Variants in FSTL4 observed in about 807,000 individuals in gnomAD.
FSTL4 encodes follistatin like 4.
In FSTL4, 28 loss-of-function variants were observed where a neutral mutation model predicts 78.2. That is an observed-to-expected ratio of 0.36 (90% CI 0.27 to 0.49). The LOEUF (loss-of-function observed/expected upper bound fraction) is 0.49, where lower values mean the gene tolerates loss of function less well. FSTL4 is among the 20% of genes least tolerant of loss of function. The pLI is 0.98. For synonymous variants in FSTL4, 422 were observed against 440.5 expected (o/e 0.96, Z 0.53); for missense variants, 922 against 1,084.9 (o/e 0.85, Z 2.11).
intron 4 of FSTL4, among the ~76,000 whole-genome samples, chr5:133,379,121 A>G (rs1755508889): frequency 6.6e-6 from 1 of 152,122 alleles, no homozygotes; most frequent in Non-Finnish European, 1.5e-5. Context: ...TATCAGACAA[A>G]ATTAACTTTA....
At chr5:133,457,933 G>A (rs1457624289) in intron 3 of FSTL4, 2 of 152,180 alleles carry the variant, frequency 1.3e-5, no homozygotes, top group Admixed American at 6.5e-5. Context: ...GCACAAGACC[G>A]AGTCCGGGAG....
intron 2 of FSTL4, among the ~76,000 whole-genome samples, chr5:133,597,854 G>A (rs1354204579): frequency 6.6e-6 from 1 of 152,186 alleles, no homozygotes; most frequent in Non-Finnish European, 1.5e-5. Flanking sequence ...GGGAGCCACG[G>A]TGGTAAGCAA....
chr5:133,349,828 T>C (rs1382072973), intron 4 of FSTL4, among the ~76,000 whole-genome samples: 2 of 147,610 alleles, frequency 1.4e-5, no homozygotes, highest in Non-Finnish European at 3.0e-5. Context: ...CATGCTGCCA[T>C]GCGACTGTAA....
At chr5:133,336,595 G>A (rs1476662145) in intron 4 of FSTL4, among the ~76,000 whole-genome samples, 3 of 152,172 alleles carry the variant, frequency 2.0e-5, no homozygotes, top group Non-Finnish European at 4.4e-5. Flanking sequence ...CAGGGCAGGG[G>A]TGAGAGGCTG....
At chr5:133,308,046 C>T (rs1753695161) in intron 6 of FSTL4, among the ~76,000 whole-genome samples, 1 of 152,214 alleles carries the variant, frequency 6.6e-6, no homozygotes, top group Admixed American at 6.5e-5. Flanking sequence ...TCCCAAAGTG[C>T]TGGGATTACA....
intron 3 of FSTL4, among the ~76,000 whole-genome samples, chr5:133,562,920 A>C (rs1759950363): frequency 6.6e-6 from 1 of 152,184 alleles, no homozygotes; most frequent in Admixed American, 6.5e-5. Flanking sequence ...CGCAATCAGC[A>C]TTGGCCCTCA....
intron 3 of FSTL4, among the ~76,000 whole-genome samples, chr5:133,521,327 C>A (rs1580763276): frequency 6.6e-6 from 1 of 152,218 alleles, no homozygotes; most frequent in East Asian, 1.9e-4. Context: ...CCTGCTGAGC[C>A]CTGAATCCAA....
At chr5:133,339,111 G>A (rs774866005) in intron 4 of FSTL4, among the ~76,000 whole-genome samples, 3 of 152,024 alleles carry the variant, frequency 2.0e-5, no homozygotes, top group South Asian at 2.1e-4. Context: ...GCGACCCTGC[G>A]CCACCTCAGT....
chr5:133,623,338 A>G, the FSTL4 span, among the ~76,000 whole-genome samples: 41 of 152,254 alleles, frequency 2.7e-4, no homozygotes, highest in African/African-American at 7.7e-4. Flanking sequence ...TTGAGAGTCC[A>G]GAAATACACA....
the FSTL4 span, among the ~76,000 whole-genome samples, chr5:133,663,386 T>C: frequency 6.6e-6 from 1 of 152,208 alleles, no homozygotes; most frequent in Non-Finnish European, 1.5e-5. Context: ...TTCTTGCAAT[T>C]TTTTGTGAGC....
chr5:133,808,861 AC>A, the FSTL4 span, among the ~76,000 whole-genome samples: 1 of 61,504 alleles, frequency 1.6e-5, no homozygotes, highest in African/African-American at 6.0e-5. Context: ...GCCCCCCGCC[AC>A]CCCCCACCGC....
chr5:133,333,636 A>G (rs1249531053), intron 4 of FSTL4, among the ~76,000 whole-genome samples: 1 of 152,202 alleles, frequency 6.6e-6, no homozygotes, highest in Non-Finnish European at 1.5e-5. Context: ...GGGAACACAA[A>G]GATGGGATTT....
At chr5:133,602,489 G>C (rs1285403178) in intron 2 of FSTL4, among the ~76,000 whole-genome samples, 7 of 152,198 alleles carry the variant, frequency 4.6e-5, no homozygotes, top group Non-Finnish European at 1.0e-4. Flanking sequence ...AGCCCCAATA[G>C]TAAGAAGACT....
intron 3 of FSTL4, among the ~76,000 whole-genome samples, chr5:133,550,945 G>A (rs1192364518): frequency 6.6e-6 from 1 of 152,102 alleles, no homozygotes; most frequent in African/African-American, 2.4e-5. Context: ...CATATTATGT[G>A]GTCATTGTAC....
intron 3 of FSTL4, among the ~76,000 whole-genome samples, chr5:133,504,075 C>T (rs913041824): frequency 5.3e-5 from 8 of 152,060 alleles, no homozygotes; most frequent in Non-Finnish European, 8.8e-5. Context: ...GGGGAAACTG[C>T]CCCCATGATT....
At chr5:133,248,333 C>G (rs928321754) in intron 7 of FSTL4, 3 of 152,334 alleles carry the variant, frequency 2.0e-5, no homozygotes, top group Admixed American at 2.0e-4. Context: ...TCTTTCTTTT[C>G]TGGGCAAGCA....
intron 8 of FSTL4, among the ~76,000 whole-genome samples, chr5:133,232,994 C>T (rs564847055): frequency 9.9e-4 from 151 of 152,236 alleles, no homozygotes; most frequent in Non-Finnish European, 1.8e-3. Flanking sequence ...GGAAATAGAG[C>T]CTCCTAATTG....
intron 3 of FSTL4, among the ~76,000 whole-genome samples, chr5:133,510,685 C>CA (rs1422233699): frequency 2.0e-5 from 3 of 152,092 alleles, no homozygotes; most frequent in African/African-American, 7.2e-5. Context: ...CAAACAGGAA[C>CA]AAAATGTAGT....
intron 4 of FSTL4, among the ~76,000 whole-genome samples, chr5:133,365,385 C>T (rs73265666): frequency 2.3e-4 from 35 of 152,300 alleles, no homozygotes; most frequent in African/African-American, 8.2e-4. Context: ...GTAACAATCT[C>T]CAGCCAAGTT....
Sources: gnomAD v4.1 joint callset for allele counts (sites outside exome capture counted in the v4.1 genomes callset) on GRCh38, gnomAD v4.1.1 for gene constraint, MANE v1.5 for transcripts, NCBI Gene and HGNC (gene_info 2026-07-23, HGNC 2026-07-21) for gene names.